SLC16A12: variants seen among roughly 807,000 people sequenced by gnomAD.
The protein encoded by SLC16A12 is solute carrier family 16 member 12.
A neutral mutation model predicts 42.4 loss-of-function variants in SLC16A12; 17 were observed. The observed-to-expected ratio is 0.40, with a 90% CI of 0.27 to 0.60. The LOEUF is 0.60. Among genes scored for constraint, SLC16A12 ranks in the 20% least tolerant of loss-of-function variants. The probability of loss-of-function intolerance (pLI) is 0.42; values close to 1 mark genes in which losing one functional copy is unlikely to be tolerated. For synonymous variants in SLC16A12, 224 were observed against 229.4 expected, an observed-to-expected ratio of 0.98 and a Z score of 0.21; for missense variants, 544 against 623.0, an observed-to-expected ratio of 0.87 and a Z score of 1.35.
chr10:89,438,466 G>T (rs1841841219), intron 6 of SLC16A12, 138 bp downstream of exon 6: 1 of 819,738 alleles, frequency 1.2e-6, no homozygotes. Flanking sequence ...AGAAGTACCA[G>T]CAAGGGAGAT....
At chr10:89,543,057 A>G (rs115634244) in intron 2 of SLC16A12, among the ~76,000 whole-genome samples, 1,639 of 152,318 alleles carry the variant, frequency 0.011, 26 homozygotes, top group African/African-American at 0.037. Flanking sequence ...TGAAGGTCCA[A>G]TTCAAATCCC....
chr10:89,554,040 GAAAGAAAGA>G (rs1564607076), intron 2 of SLC16A12, among the ~76,000 whole-genome samples: 2 of 45,480 alleles, frequency 4.4e-5, no homozygotes, highest in African/African-American at 1.9e-4. Context: ...AAGGAAGAAA[GAAAGAAAGA>G]AAGAAAGAAA....
intron 2 of SLC16A12, among the ~76,000 whole-genome samples, chr10:89,544,973 G>A (rs905843443): frequency 1.3e-4 from 20 of 152,314 alleles, no homozygotes; most frequent in Admixed American, 1.2e-3. Flanking sequence ...AGCCAATAGG[G>A]AAGAGAAATG....
At chr10:89,442,251 T>G (rs1156917316) in intron 4 of SLC16A12, among the ~76,000 whole-genome samples, 1 of 152,208 alleles carries the variant, frequency 6.6e-6, no homozygotes, top group Non-Finnish European at 1.5e-5. Context: ...TTCTGCAGAC[T>G]CTCATCCATA....
chr10:89,462,289 C>A lies in SLC16A12; in HGVS notation c.200+90G>T, dbSNP rs1047732629. 57 of 1,560,032 alleles carry A rather than the reference C, an allele frequency of 3.7e-5. No individual in the cohort carries two copies. The African/African-American group carries it at 7.2e-4, about 20-fold the overall frequency. On this transcript the variant is annotated intron_variant, in intron 3 of 7. Transcript: ENST00000371790. ...CCACATGAACACACACATATCTTCACAATGATGGGTTCAGAAAGAGAATGA... is the reference window on the plus strand; with the variant it reads ...CCACATGAACACACACATATCTTCAAAATGATGGGTTCAGAAAGAGAATGA...
Position 89,433,188 on chromosome 10 carries a change from T to C in SLC16A12, c.1427A>G (p.Lys476Arg). Residue 476 changes from lysine to arginine, a missense_variant, in exon 8 of 8, where the codon AAA (lysine) becomes AGA (arginine). Coordinates refer to ENST00000371790, the MANE Select transcript of SLC16A12 (RefSeq NM_213606.4). ...TAGCTGCAGCTTAGGATCAGATTCT[T>C]TGGCAATGAACTGCAACTGGGTTTT... ...MRKTQLQFIAKESDPKLQLWT... is the reference protein window; with the variant it reads ...MRKTQLQFIARESDPKLQLWT... 2 of 1,614,200 alleles carry C rather than the reference T, an allele frequency of 1.2e-6. No homozygotes were observed. Among genetic ancestry groups the C allele is most frequent in the Non-Finnish European group, 1.7e-6 (2 of 1,180,028 alleles).
chr10:89,444,061 A>G (rs908388146), intron 3 of SLC16A12, among the ~76,000 whole-genome samples: 2 of 152,224 alleles, frequency 1.3e-5, no homozygotes, highest in Non-Finnish European at 2.9e-5. Context: ...CACAGGGGCT[A>G]CTAAAGCCAA....
intron 2 of SLC16A12, among the ~76,000 whole-genome samples, chr10:89,495,261 G>A (rs990901695): frequency 6.6e-6 from 1 of 152,154 alleles, no homozygotes; most frequent in Non-Finnish European, 1.5e-5. Flanking sequence ...AGCTGAGACA[G>A]GAGAATTGCT....
rs58259835 is a variant in SLC16A12, at chr10:89,459,516, ATG to A, written c.200+2861_200+2862del. Among the ~76,000 whole-genome samples, 199 of 149,642 alleles carry A rather than the reference ATG, an allele frequency of 1.3e-3. 5 individuals carry two copies. The South Asian group carries it at 0.03, about 23-fold the overall frequency. ...AAAGGGCATAGCGGTTTCTGTGTTT[ATG>A]TGTGTGTGTGTGTGTGTGTATGTGT... On this transcript the variant is annotated intron_variant, in intron 3 of 7. Transcript: ENST00000371790.
chr10:89,513,321 G>A (rs1843193716), intron 2 of SLC16A12, among the ~76,000 whole-genome samples: 1 of 152,126 alleles, frequency 6.6e-6, no homozygotes, highest in Non-Finnish European at 1.5e-5. Flanking sequence ...CACTGTAACT[G>A]ACTTCACCAA....
At chr10:89,512,752 G>C (rs1012571252) in intron 2 of SLC16A12, among the ~76,000 whole-genome samples, 2 of 152,300 alleles carry the variant, frequency 1.3e-5, no homozygotes, top group Non-Finnish European at 1.5e-5. Context: ...CTAGTAAGTA[G>C]ATTGGTTTTC....
chr10:89,452,847 C>T (rs182386898), intron 3 of SLC16A12, among the ~76,000 whole-genome samples: 93 of 152,344 alleles, frequency 6.1e-4, no homozygotes, highest in Non-Finnish European at 6.2e-4. Flanking sequence ...CCCTGATGCA[C>T]GTCCTCAATC....
rs1841706102 is a variant in SLC16A12 at position 89,432,294 on chromosome 10, G to A, written c.*770C>T. 6.6e-6 allele frequency: 1 copy of A among 152,212 alleles called. No individual in the cohort carries two copies. The highest frequency in any genetic ancestry group is 2.4e-5 in the African/African-American group (1 of 41,444). 9.4% of individuals were successfully genotyped at this position (152,212 alleles called of 1,614,324 possible). Reference sequence around the variant, plus strand: ...AGTATTATATGTGATGGTAACAAATGTGAGAGCCTGGAACCCAGTCTTAGG... The same window carrying A: ...AGTATTATATGTGATGGTAACAAATATGAGAGCCTGGAACCCAGTCTTAGG... On this transcript the variant is annotated 3_prime_UTR_variant, in exon 8 of 8. Transcript: ENST00000371790.
chr10:89,523,701 T>A (rs114237235), intron 2 of SLC16A12, among the ~76,000 whole-genome samples: 1 of 152,182 alleles, frequency 6.6e-6, no homozygotes, highest in Non-Finnish European at 1.5e-5. Context: ...TCAGGTACCA[T>A]GACAGCTGCT....
intron 2 of SLC16A12, among the ~76,000 whole-genome samples, chr10:89,471,348 T>C (rs951226480): frequency 2.6e-5 from 4 of 152,234 alleles, no homozygotes; most frequent in African/African-American, 9.6e-5. Flanking sequence ...TCTGTCAAGA[T>C]AGAATTCTGT....
intron 2 of SLC16A12, among the ~76,000 whole-genome samples, chr10:89,548,856 C>G (rs1324721404): frequency 6.6e-6 from 1 of 152,126 alleles, no homozygotes; most frequent in Non-Finnish European, 1.5e-5. Flanking sequence ...CAGGATGTAG[C>G]AAGTGCCACA....
chr10:89,446,022 A>T (rs1392334276), intron 3 of SLC16A12, among the ~76,000 whole-genome samples: 2 of 152,220 alleles, frequency 1.3e-5, no homozygotes. Context: ...TGAAGATCAA[A>T]TTAATGAAAT....
intron 2 of SLC16A12, among the ~76,000 whole-genome samples, chr10:89,524,795 A>T (rs1055317858): frequency 6.6e-6 from 1 of 152,246 alleles, no homozygotes; most frequent in African/African-American, 2.4e-5. Context: ...GCCTGGGAAG[A>T]GGTAAACTCA....
intron 2 of SLC16A12, among the ~76,000 whole-genome samples, chr10:89,550,351 T>C (rs1843763062): frequency 6.6e-6 from 1 of 152,124 alleles, no homozygotes; most frequent in Non-Finnish European, 1.5e-5. Flanking sequence ...AAACCCCGTC[T>C]CTACTAAAAA....
Sources: allele counts gnomAD v4.1 joint callset (sites outside exome capture counted in the v4.1 genomes callset), GRCh38; gene constraint gnomAD v4.1.1; transcripts MANE v1.5; gene names NCBI Gene and HGNC (gene_info 2026-07-23, HGNC 2026-07-21).